The following GNPNAT1 variants were observed in gnomAD, a reference collection of about 807,000 sequenced individuals.
GNPNAT1 encodes glucosamine 6-phosphate N-acetyltransferase.
In GNPNAT1, 11 loss-of-function variants were observed where a neutral mutation model predicts 19.8. That is an observed-to-expected ratio of 0.56 (90% CI 0.35 to 0.92). The LOEUF is 0.92. Ranked by LOEUF, GNPNAT1 falls within the 40% of genes least tolerant of loss-of-function variation. The pLI is 0.01. For synonymous variants in GNPNAT1, 71 were observed against 72.3 expected (o/e 0.98, Z 0.09); for missense variants, 157 against 211.0 (o/e 0.74, Z 1.59).
intron 4 of GNPNAT1, 98 bp downstream of exon 4, chr14:52,781,686 G>T: frequency 9.4e-7 from 1 of 1,066,652 alleles, no homozygotes; most frequent in Non-Finnish European, 1.4e-6. Context: ...TTTCTAAGAG[G>T]CACTGAAAAT....
chr14:52,779,724 TAA>T (rs35906707), intron 5 of GNPNAT1, among the ~76,000 whole-genome samples: 2 of 38,214 alleles, frequency 5.2e-5, no homozygotes, highest in African/African-American at 1.2e-4. Flanking sequence ...TCCCATCTCT[TAA>T]AAAAAAAAAA....
At chr14:52,787,623 G>T (rs1356271234) in intron 1 of GNPNAT1, among the ~76,000 whole-genome samples, 1 of 152,084 alleles carries the variant, frequency 6.6e-6, no homozygotes, top group Non-Finnish European at 1.5e-5. Context: ...AATGTCAACT[G>T]TGTGATATGT....
intron 5 of GNPNAT1, 89 bp from the exon 6 acceptor site, chr14:52,778,547 T>G: frequency 8.8e-7 from 1 of 1,135,394 alleles, no homozygotes; most frequent in Non-Finnish European, 1.3e-6. Context: ...GTTATAAAAC[T>G]TAAGTTTCCT....
In GNPNAT1 at chr14:52,784,570, A is replaced by C; in HGVS notation, c.81T>G (p.Ser27=). ...VDWSQNTATF[S]PAISPTHPGE... is the part of the protein sequence containing the mutation. Reference sequence around the variant, plus strand: ...CAGGATGTGTTGGGGAAATGGCTGGAGAAAATGTAGCTGTATTCTGACTCC... The same window carrying C: ...CAGGATGTGTTGGGGAAATGGCTGGCGAAAATGTAGCTGTATTCTGACTCC... The change falls in exon 2 of 6, where the codon TCT becomes TCG. Residue 27 remains serine (S), a synonymous_variant. Coordinates refer to ENST00000216410, the MANE Select transcript of GNPNAT1 (RefSeq NM_198066.4). 1 of 1,610,352 alleles carries C rather than the reference A, an allele frequency of 6.2e-7. No individual in the cohort carries two copies. The highest frequency in any genetic ancestry group is 2.2e-5 in the East Asian group (1 of 44,582).
At chr14:52,788,035 A>C (rs1409453385) in intron 1 of GNPNAT1, among the ~76,000 whole-genome samples, 3 of 152,148 alleles carry the variant, frequency 2.0e-5, no homozygotes, top group African/African-American at 7.2e-5. Flanking sequence ...CAGTTCTAAC[A>C]ATATTAAGGA....
intron 1 of GNPNAT1, among the ~76,000 whole-genome samples, chr14:52,787,158 C>T (rs1054800023): frequency 1.3e-5 from 2 of 151,990 alleles, no homozygotes; most frequent in Non-Finnish European, 2.9e-5. Flanking sequence ...CAGTCCCCAA[C>T]TTATTTCTAT....
In GNPNAT1 at chr14:52,778,274, T is replaced by C. The variant is rs750675105; in HGVS notation, c.*37A>G. On this transcript the variant is annotated 3_prime_UTR_variant, in exon 6 of 6. Transcript: ENST00000216410. The stretch of plus-strand genomic sequence containing the variant: ...CAACTCTAGGAAGAGTGTAGCCTTG[T>C]AGCATTAGCCCCTTTGACAATTTTC... 3 of 1,509,838 alleles carry C rather than the reference T, an allele frequency of 2.0e-6. No individual in the cohort carries two copies. The highest frequency in any genetic ancestry group is 2.7e-6 in the Non-Finnish European group (3 of 1,118,006). 93.5% of individuals were successfully genotyped at this position (1,509,838 alleles called of 1,614,324 possible). A position where few individuals can be genotyped will look rare whatever the true frequency, so the allele number is the denominator to read the frequency against.
intron 1 of GNPNAT1, among the ~76,000 whole-genome samples, chr14:52,790,510 A>C (rs1434525206): frequency 6.6e-6 from 1 of 152,176 alleles, no homozygotes; most frequent in Admixed American, 6.5e-5. Flanking sequence ...TGACCTTTAC[A>C]ATCTAGGCGT....
chr14:52,785,637 C>T (rs889660744), intron 1 of GNPNAT1, among the ~76,000 whole-genome samples: 6 of 150,810 alleles, frequency 4.0e-5, no homozygotes, highest in East Asian at 2.0e-4. Context: ...GCAGGAGAAT[C>T]GCCTCAGAAC....
chr14:52,781,664 T>A, intron 4 of GNPNAT1, 120 bp downstream of exon 4: 1 of 892,954 alleles, frequency 1.1e-6, no homozygotes, highest in Non-Finnish European at 1.7e-6. Flanking sequence ...CAGAACACAC[T>A]GGGAAAAGGG....
At chr14:52,788,334 A>G (rs1339481092) in intron 1 of GNPNAT1, among the ~76,000 whole-genome samples, 1 of 151,248 alleles carries the variant, frequency 6.6e-6, no homozygotes. Context: ...GGGCTTTGCC[A>G]TGTTGGAAAG....
At chr14:52,784,463 T>C (rs773333050) in intron 2 of GNPNAT1, 34 bp downstream of exon 2, 9 of 1,483,300 alleles carry the variant, frequency 6.1e-6, no homozygotes, top group Non-Finnish European at 8.1e-6. Context: ...AATGGAAGGC[T>C]AACTCTAATT....
intron 2 of GNPNAT1, among the ~76,000 whole-genome samples, chr14:52,784,217 G>GTCA (rs1566688763): frequency 6.6e-6 from 1 of 152,066 alleles, no homozygotes; most frequent in Non-Finnish European, 1.5e-5. Context: ...CTCCTTATGT[G>GTCA]TCATCATACA....
chr14:52,790,402 C>A (rs989245302), intron 1 of GNPNAT1, among the ~76,000 whole-genome samples: 2 of 152,160 alleles, frequency 1.3e-5, no homozygotes, highest in African/African-American at 4.8e-5. Flanking sequence ...TAACAAGAAT[C>A]CATTCTGAAT....
intron 1 of GNPNAT1, among the ~76,000 whole-genome samples, chr14:52,785,200 TTACAGGCGTGAGCCAC>T (rs2139969442): frequency 6.6e-6 from 1 of 151,916 alleles, no homozygotes; most frequent in South Asian, 2.1e-4. Flanking sequence ...AGTGCTGGGA[TTACAGGCGTGAGCCAC>T]TGCGCCCGGC....
At chr14:52,780,291 A>G (rs1313510980) in intron 5 of GNPNAT1, among the ~76,000 whole-genome samples, 1 of 152,242 alleles carries the variant, frequency 6.6e-6, no homozygotes, top group Non-Finnish European at 1.5e-5. Context: ...AGGCTGTTTC[A>G]GTATGTATTT....
rs766094776 is a variant in GNPNAT1 at position 52,781,810 on chromosome 14, G to C, written c.319C>G (p.His107Asp). ...IVATATLIIEHKFIHSCAKRG... is the reference protein window; with the variant it reads ...IVATATLIIEDKFIHSCAKRG... ...TTAGCACAGGAATGGATGAATTTAT[G>C]TTCTATAATCAGAGTTGCCGTAGCA... Residue 107 changes from histidine (H) to aspartate (D), a missense_variant, in exon 4 of 6, where the codon CAT (histidine) becomes GAT (aspartate). Transcript: ENST00000216410. The C allele has an allele frequency of 1.3e-5, 21 of 1,604,458 alleles. No homozygotes were observed. Among genetic ancestry groups the C allele is most frequent in the Non-Finnish European group, 1.7e-5 (20 of 1,177,214 alleles).
At chr14:52,780,613 G>GTT (rs1882871265) in intron 5 of GNPNAT1, 66 bp downstream of exon 5, 1 of 945,758 alleles carries the variant, frequency 1.1e-6, no homozygotes, top group Non-Finnish European at 1.7e-6. Context: ...CTTCAAACAA[G>GTT]TATCTTGTTA....
Position 52,784,618 on chromosome 14 carries a change from T to C in GNPNAT1, c.33A>G (p.Pro11=). The C allele has an allele frequency of 6.3e-7, 1 of 1,589,180 alleles. No homozygotes were observed. Among genetic ancestry groups the C allele is most frequent in the South Asian group, 1.1e-5 (1 of 87,300 alleles). MKPDETPMFD[P]SLLKEVDWSQ... ...TCCAGTCCACTTCTTTGAGTAGACT[T>C]GGGTCAAACATAGGAGTTTCATCAG... is the stretch of plus-strand genomic sequence containing the variant. The change falls in exon 2 of 6, where the codon CCA becomes CCG. Residue 11 remains proline, a synonymous_variant. Coordinates refer to ENST00000216410, the MANE Select transcript of GNPNAT1 (RefSeq NM_198066.4).
Sources: gnomAD v4.1 joint callset for allele counts (sites outside exome capture counted in the v4.1 genomes callset) on GRCh38, gnomAD v4.1.1 for gene constraint, MANE v1.5 for transcripts, NCBI Gene and HGNC (gene_info 2026-07-23, HGNC 2026-07-21) for gene names.